The following MTA3 variants were observed in gnomAD, a reference collection of about 807,000 sequenced individuals.
MTA3 encodes the protein metastasis-associated protein MTA3.
In MTA3, 34 loss-of-function variants were observed where a neutral mutation model predicts 83.5. The ratio of observed to expected loss-of-function variants is 0.41; its 90% CI spans 0.31 to 0.54. The LOEUF is 0.54. MTA3 is among the 20% of genes least tolerant of loss of function. MTA3 has a pLI of 0.33. For synonymous variants in MTA3, 303 were observed against 252.7 expected (o/e 1.20, Z -1.89); for missense variants, 761 against 726.4 (o/e 1.05, Z -0.55).
intron 2 of MTA3, among the ~76,000 whole-genome samples, chr2:42,521,603 G>A (rs1675432651): frequency 2.0e-5 from 3 of 152,040 alleles, no homozygotes; most frequent in African/African-American, 7.2e-5. Context: ...CAGGGCCATG[G>A]ACCCGGGGCA....
intron 16 of MTA3, among the ~76,000 whole-genome samples, chr2:42,736,002 T>C (rs896064165): frequency 3.9e-5 from 6 of 152,204 alleles, no homozygotes; most frequent in Non-Finnish European, 7.3e-5. Flanking sequence ...TTGTGGATAT[T>C]CTTCAGTGTC....
rs115515706 is a variant in MTA3 at position 42,584,456 on chromosome 2, G to C, written c.190+5256G>C. 6.6e-3 allele frequency among the ~76,000 whole-genome samples: 1,007 copies of C among 152,034 alleles called. 10 individuals are homozygous for C. Among genetic ancestry groups the C allele is most frequent in the African/African-American group, 0.022 (920 of 41,470 alleles). ...CAGATTCAAGAGTTGCTAACATTTTGCCCTATTGGCTTTATCATTCTATAT... is the reference window on the plus strand; with the variant it reads ...CAGATTCAAGAGTTGCTAACATTTTCCCCTATTGGCTTTATCATTCTATAT... On this transcript the variant is annotated intron_variant, in intron 3 of 16. Coordinates refer to ENST00000405094, the MANE Select transcript of MTA3 (RefSeq NM_001330442.2).
At chr2:42,714,801 G>C (rs972683987) in intron 14 of MTA3, among the ~76,000 whole-genome samples, 2 of 152,208 alleles carry the variant, frequency 1.3e-5, no homozygotes, top group Non-Finnish European at 2.9e-5. Flanking sequence ...ATAAGGAGCA[G>C]GCAATCTAGA....
intron 15 of MTA3, among the ~76,000 whole-genome samples, chr2:42,721,181 G>T (rs1028510309): frequency 4.0e-5 from 6 of 151,892 alleles, no homozygotes; most frequent in African/African-American, 1.5e-4. Flanking sequence ...ACACCAAGAT[G>T]GGTAAGACCT....
chr2:42,737,010 A>C (rs1668658705), intron 16 of MTA3, among the ~76,000 whole-genome samples: 1 of 152,164 alleles, frequency 6.6e-6, no homozygotes, highest in Non-Finnish European at 1.5e-5. Flanking sequence ...TGCAAGAGAA[A>C]GTCCTCTTTA....
At chr2:42,690,058 G>A (rs1407295921) in intron 9 of MTA3, among the ~76,000 whole-genome samples, 4 of 151,970 alleles carry the variant, frequency 2.6e-5, no homozygotes, top group East Asian at 3.9e-4. Context: ...AAACTGAAGC[G>A]AGAGGATCAC....
chr2:42,744,233 T>C (rs140600301), intron 16 of MTA3, among the ~76,000 whole-genome samples: 68 of 152,322 alleles, frequency 4.5e-4, no homozygotes, highest in African/African-American at 1.5e-3. Flanking sequence ...ACAGATCCAA[T>C]TGCATTCGGC....
At chr2:42,541,910 A>T (rs1188044028) in intron 2 of MTA3, among the ~76,000 whole-genome samples, 9 of 152,134 alleles carry the variant, frequency 5.9e-5, no homozygotes, top group Non-Finnish European at 1.3e-4. Context: ...GGCTGTGAAC[A>T]ATGGAAGCCT....
At chr2:42,738,160 G>T (rs139195650) in intron 16 of MTA3, among the ~76,000 whole-genome samples, 4 of 152,280 alleles carry the variant, frequency 2.6e-5, no homozygotes, top group Admixed American at 2.0e-4. Context: ...TACTCGGGAG[G>T]CTGAGGTGGG....
At chr2:42,664,608 A>T (rs1489386876) in intron 8 of MTA3, among the ~76,000 whole-genome samples, 1 of 150,470 alleles carries the variant, frequency 6.6e-6, no homozygotes, top group African/African-American at 2.4e-5. Flanking sequence ...TGCCTCAGCC[A>T]GTAGCTGAGA....
At chr2:42,550,668 A>G (rs554363418) in intron 2 of MTA3, among the ~76,000 whole-genome samples, 13 of 152,294 alleles carry the variant, frequency 8.5e-5, no homozygotes, top group African/African-American at 2.9e-4. Flanking sequence ...GACAGATTGT[A>G]AAGGGCTATC....
chr2:42,614,282 A>G (rs988878086), intron 4 of MTA3: 1 of 152,138 alleles, frequency 6.6e-6, no homozygotes, highest in African/African-American at 2.4e-5. Context: ...TTTTTAGTAC[A>G]GACGGGGTTT....
intron 3 of MTA3, among the ~76,000 whole-genome samples, chr2:42,586,279 GAAA>G (rs571930742): frequency 9.5e-6 from 1 of 104,722 alleles, no homozygotes; most frequent in Non-Finnish European, 2.0e-5. Context: ...CATCTCAAAA[GAAA>G]AAAAAAAAAA....
intron 16 of MTA3, among the ~76,000 whole-genome samples, chr2:42,737,649 GTACTTTA>G (rs1221543068): frequency 6.6e-6 from 1 of 152,038 alleles, no homozygotes; most frequent in Non-Finnish European, 1.5e-5. Context: ...CTCTTTTCAT[GTACTTTA>G]TATCACTTGG....
intron 10 of MTA3, among the ~76,000 whole-genome samples, chr2:42,696,478 T>C (rs975549866): frequency 6.6e-6 from 1 of 152,260 alleles, no homozygotes; most frequent in African/African-American, 2.4e-5. Context: ...ACTTGTGTTA[T>C]GTTTGTATAG....
chr2:42,714,424 A>T (rs1227248005), intron 14 of MTA3, among the ~76,000 whole-genome samples: 1 of 152,154 alleles, frequency 6.6e-6, no homozygotes, highest in Non-Finnish European at 1.5e-5. Flanking sequence ...TGGCTTCTTT[A>T]AAAATACCTT....
At chr2:42,570,218 T>TA in intron 1 of MTA3, among the ~76,000 whole-genome samples, 1 of 152,264 alleles carries the variant, frequency 6.6e-6, no homozygotes, top group African/African-American at 2.4e-5. Context: ...GAGAAACTGA[T>TA]AAAACATTAA....
chr2:42,648,012 T>C (rs1232992118), intron 6 of MTA3, among the ~76,000 whole-genome samples: 3 of 152,184 alleles, frequency 2.0e-5, no homozygotes, highest in Non-Finnish European at 4.4e-5. Context: ...AGCTAACTTT[T>C]GTATTTTTAG....
intron 4 of MTA3, among the ~76,000 whole-genome samples, chr2:42,631,067 C>T (rs1473469798): frequency 1.3e-5 from 2 of 152,156 alleles, no homozygotes; most frequent in African/African-American, 2.4e-5. Flanking sequence ...TGGTTTTCTT[C>T]CTGCTCATTT....
Sources: gnomAD v4.1 joint callset for allele counts (sites outside exome capture counted in the v4.1 genomes callset) on GRCh38, gnomAD v4.1.1 for gene constraint, MANE v1.5 for transcripts, NCBI Gene and HGNC (gene_info 2026-07-23, HGNC 2026-07-21) for gene names.